PCDHGA4: variants seen among roughly 807,000 people sequenced by gnomAD.
PCDHGA4 encodes the protein protocadherin gamma-A4.
A neutral mutation model predicts 54.6 loss-of-function variants in PCDHGA4; 38 were observed. The observed-to-expected ratio is 0.70, with a 90% CI of 0.54 to 0.91. PCDHGA4 has a LOEUF of 0.91. PCDHGA4 is among the 40% of genes least tolerant of loss of function. The probability of loss-of-function intolerance (pLI) is 0.00; values close to 1 mark genes in which losing one functional copy is unlikely to be tolerated. For missense variants in PCDHGA4, 1,298 were observed against 1,220.9 expected (o/e 1.06, Z -0.94); for synonymous variants, 511 against 512.9 (o/e 1.00, Z 0.05).
chr5:141,419,192 G>A (rs772847766), intron 1 of PCDHGA4: 65 of 1,613,816 alleles, frequency 4.0e-5, no homozygotes, highest in Middle Eastern at 1.6e-4. Context: ...CATTACTGAC[G>A]TCAATGACAA....
chr5:141,491,208 C>G lies in PCDHGA4; in HGVS notation c.2515-3599C>G. 6.2e-7 allele frequency: 1 copy of G among 1,614,204 alleles called. No individual in the cohort carries two copies. Among genetic ancestry groups the G allele is most frequent in the Non-Finnish European group, 8.5e-7 (1 of 1,180,026 alleles). ...TGAGGGACAATGGTGACCCTTCACTCTCCTCCACAGCCACAGTGCTGCTGG... is the reference window on the plus strand; with the variant it reads ...TGAGGGACAATGGTGACCCTTCACTGTCCTCCACAGCCACAGTGCTGCTGG... On this transcript the variant is annotated intron_variant, in intron 1 of 3. Coordinates refer to ENST00000571252, the MANE Select transcript of PCDHGA4 (RefSeq NM_018917.4). This position sits in a 1 kb window ranked among gnomAD's most constrained non-coding sequence, Gnocchi z 6.9.
At chr5:141,365,854 C>T (rs570866859) in intron 1 of PCDHGA4, 1 of 1,614,060 alleles carries the variant, frequency 6.2e-7, no homozygotes, top group Non-Finnish European at 8.5e-7. Flanking sequence ...TATCCATTAA[C>T]TCTGACACCG....
chr5:141,469,500 G>A (rs1471801110), intron 1 of PCDHGA4, among the ~76,000 whole-genome samples: 4 of 151,914 alleles, frequency 2.6e-5, no homozygotes, highest in South Asian at 2.1e-4. Flanking sequence ...GCTTGAACCC[G>A]GGAGGTGGAG....
intron 1 of PCDHGA4, chr5:141,429,265 T>C (rs1297239650): frequency 6.6e-6 from 1 of 152,148 alleles, no homozygotes; most frequent in Non-Finnish European, 1.5e-5. Flanking sequence ...GAGGAATAAA[T>C]TTTTTTCCTG....
intron 3 of PCDHGA4, 89 bp from the exon 4 acceptor site, chr5:141,510,858 T>C (rs992991460): frequency 5.8e-5 from 93 of 1,606,182 alleles, no homozygotes; most frequent in South Asian, 1.0e-4. Flanking sequence ...GGGTGCTGTA[T>C]AGGCATTCAT....
In PCDHGA4 at chr5:141,366,784, A is replaced by G. The variant is rs749444374; in HGVS notation, c.2514+9163A>G. Reference sequence around the variant, plus strand: ...TTCTCTTTCGGTAAGGATGACCAGAACATTTTCATTTGTTTCCTTTTTCAT... The same window carrying G: ...TTCTCTTTCGGTAAGGATGACCAGAGCATTTTCATTTGTTTCCTTTTTCAT... On this transcript the variant is annotated intron_variant, in intron 1 of 3. Coordinates refer to ENST00000571252, the MANE Select transcript of PCDHGA4 (RefSeq NM_018917.4). 6 of 1,579,152 alleles carry G rather than the reference A, an allele frequency of 3.8e-6. No homozygotes were observed. The South Asian group carries it at 6.9e-5, about 18-fold the overall frequency.
At chr5:141,394,754 G>A (rs753264235) in intron 1 of PCDHGA4, 3 of 1,613,428 alleles carry the variant, frequency 1.9e-6, no homozygotes, top group African/African-American at 2.7e-5. Flanking sequence ...TGGCCGTCCA[G>A]GACCATGGCC....
At chr5:141,413,364 G>A (rs759265336) in intron 1 of PCDHGA4, 14 of 1,613,870 alleles carry the variant, frequency 8.7e-6, no homozygotes, top group African/African-American at 5.3e-5. Flanking sequence ...CCCGGGAGCT[G>A]GCGGAGCGCG....
In PCDHGA4 at chr5:141,418,596, T is replaced by C; in HGVS notation, c.2514+60975T>C. On this transcript the variant is annotated intron_variant, in intron 1 of 3. Coordinates refer to ENST00000571252, the MANE Select transcript of PCDHGA4 (RefSeq NM_018917.4). Reference sequence around the variant, plus strand: ...AACCCCCCAGTGTTCAGCCAGGACGTGTACAGGGTTAGCCTTCGGGAAGAC... The same window carrying C: ...AACCCCCCAGTGTTCAGCCAGGACGCGTACAGGGTTAGCCTTCGGGAAGAC... 8.7e-6 allele frequency: 14 copies of C among 1,614,046 alleles called. No individual in the cohort carries two copies. The highest frequency in any genetic ancestry group is 1.1e-5 in the Non-Finnish European group (13 of 1,179,906).
At chr5:141,505,616 C>T in intron 3 of PCDHGA4, 135 bp downstream of exon 3, 2 of 1,503,162 alleles carry the variant, frequency 1.3e-6, no homozygotes, top group South Asian at 1.3e-5. Flanking sequence ...CTGAAAGGAC[C>T]CACAATTCCA....
At chr5:141,389,438 C>G in intron 1 of PCDHGA4, 1 of 1,610,592 alleles carries the variant, frequency 6.2e-7, no homozygotes, top group East Asian at 2.2e-5. Context: ...AGCGCGCCTT[C>G]GACCACGAGC....
chr5:141,449,095 T>C (rs2098628347), intron 1 of PCDHGA4, among the ~76,000 whole-genome samples: 1 of 152,204 alleles, frequency 6.6e-6, no homozygotes. Flanking sequence ...AGTTTTTACA[T>C]ATGCAGTATA....
intron 1 of PCDHGA4, chr5:141,360,095 C>T (rs1402675837): frequency 2.6e-6 from 4 of 1,524,018 alleles, no homozygotes; most frequent in South Asian, 2.6e-5. Context: ...CCCCGGAAGG[C>T]TTATTCCTCC....
intron 1 of PCDHGA4, chr5:141,399,389 C>G: frequency 1.2e-6 from 2 of 1,614,024 alleles, no homozygotes; most frequent in East Asian, 2.2e-5. Flanking sequence ...ATCACAGCCA[C>G]AGACAGGGGC....
At chr5:141,506,955 C>G (rs1387377785) in intron 3 of PCDHGA4, 1 of 152,244 alleles carries the variant, frequency 6.6e-6, no homozygotes, top group Non-Finnish European at 1.5e-5. Context: ...AATGAATCCT[C>G]TCAATAGCTC....
rs765376157 is a variant in PCDHGA4 at position 141,486,033 on chromosome 5, A to G, written c.2515-8774A>G. 4.3e-6 allele frequency: 7 copies of G among 1,614,148 alleles called. No individual in the cohort carries two copies. The highest frequency in any genetic ancestry group is 5.9e-6 in the Non-Finnish European group (7 of 1,180,014). ...TTTTATTTCAGTGGTCATACCCCTG[A>G]TCGTGTAAGAAACCTCTTTAGCCTG... On this transcript the variant is annotated intron_variant, in intron 1 of 3. Transcript: ENST00000571252. This position sits in a 1 kb window ranked among gnomAD's most constrained non-coding sequence, Gnocchi z 5.0.
chr5:141,400,713 T>G (rs1225008709), intron 1 of PCDHGA4: 1 of 686,914 alleles, frequency 1.5e-6, no homozygotes, highest in Admixed American at 3.0e-5. Flanking sequence ...GAAGTAGCCT[T>G]ATAGATTTAC....
intron 1 of PCDHGA4, among the ~76,000 whole-genome samples, chr5:141,443,369 C>T (rs1403494558): frequency 6.6e-6 from 1 of 151,848 alleles, no homozygotes; most frequent in African/African-American, 2.4e-5. Context: ...CCTGTGGTCT[C>T]AGCTACTTGG....
chr5:141,366,268 C>T (rs1426955979), intron 1 of PCDHGA4: 1 of 1,613,718 alleles, frequency 6.2e-7, no homozygotes, highest in Non-Finnish European at 8.5e-7. Flanking sequence ...TGGTGGCCGT[C>T]GAAGACCATG....
Sources: allele counts gnomAD v4.1 joint callset (sites outside exome capture counted in the v4.1 genomes callset), GRCh38; gene constraint gnomAD v4.1.1; non-coding constraint Gnocchi (gnomAD v3.1); transcripts MANE v1.5; gene names NCBI Gene and HGNC (gene_info 2026-07-23, HGNC 2026-07-21).